UNC13B: variants seen among roughly 807,000 people sequenced by gnomAD.
UNC13B encodes the protein unc-13 homolog B, also known as protein unc-13 homolog B.
A neutral mutation model predicts 211.0 loss-of-function variants in UNC13B; 144 were observed. The observed-to-expected ratio is 0.68, with a 90% confidence interval of 0.60 to 0.78. UNC13B has a LOEUF of 0.78. Among genes scored for constraint, UNC13B ranks in the 30% least tolerant of loss-of-function variants. UNC13B has a pLI of 0.00. For missense variants in UNC13B, 1,777 were observed against 2,002.0 expected, an observed-to-expected ratio of 0.89 and a Z score of 2.14; for synonymous variants, 709 against 725.8, an observed-to-expected ratio of 0.98 and a Z score of 0.37.
chr9:35,237,967 A>G, intron 5 of UNC13B, 141 bp downstream of exon 5: 1 of 879,606 alleles, frequency 1.1e-6, no homozygotes. Context: ...CTTTCTCATA[A>G]CACTTCACCC....
Position 35,398,947 on chromosome 9 carries a change from C to G in UNC13B, c.11987C>G (p.Thr3996Arg), listed in dbSNP as rs781349383. 7 of 1,614,194 alleles carry G rather than the reference C, an allele frequency of 4.3e-6. No individual in the cohort carries two copies. Among genetic ancestry groups the G allele is most frequent in the Non-Finnish European group, 5.9e-6 (7 of 1,180,038 alleles). The change falls in exon 33 of 40, where the codon ACA (threonine) becomes AGA (arginine). Residue 3996 changes from threonine to arginine, a missense_variant. Physicochemically the swap from Thr to Arg is moderately conservative, Grantham distance 71. Coordinates refer to ENST00000635942, the MANE Select transcript of UNC13B (RefSeq NM_001371189.2). ...GACATCCTGGGCCAGGTTCGGGGCACAGGGAATGCATCTCCAGACGCCAGG... is the reference window on the plus strand; with the variant it reads ...GACATCCTGGGCCAGGTTCGGGGCAGAGGGAATGCATCTCCAGACGCCAGG... ...MADILGQVRGTGNASPDARAS... is the reference protein window; with the variant it reads ...MADILGQVRGRGNASPDARAS...
chr9:35,201,177 G>T (rs1232401286), intron 1 of UNC13B, among the ~76,000 whole-genome samples: 5 of 152,162 alleles, frequency 3.3e-5, no homozygotes, highest in Admixed American at 1.3e-4. Context: ...TGCATCCCAG[G>T]GATGAAGCCC....
At chr9:35,289,142 G>A (rs141511710) in intron 7 of UNC13B, among the ~76,000 whole-genome samples, 1 of 152,294 alleles carries the variant, frequency 6.6e-6, no homozygotes, top group East Asian at 1.9e-4. Context: ...TAAAGTAAGT[G>A]CCTAGGAAGA....
At chr9:35,229,371 T>G (rs1193601465) in intron 2 of UNC13B, among the ~76,000 whole-genome samples, 1 of 152,220 alleles carries the variant, frequency 6.6e-6, no homozygotes, top group African/African-American at 2.4e-5. Flanking sequence ...GCTGGCTCTT[T>G]TTTTCTGAGA....
chr9:35,204,172 T>G (rs1823503291), intron 1 of UNC13B, among the ~76,000 whole-genome samples: 1 of 152,360 alleles, frequency 6.6e-6, no homozygotes, highest in East Asian at 1.9e-4. Context: ...ACACTTGGTG[T>G]TAAGCCTGTG....
chr9:35,322,308 G>T (rs1405885061), intron 11 of UNC13B, among the ~76,000 whole-genome samples: 1 of 152,144 alleles, frequency 6.6e-6, no homozygotes, highest in Non-Finnish European at 1.5e-5. Flanking sequence ...GGGGGAGGAG[G>T]TGAGACTTTA....
intron 37 of UNC13B, among the ~76,000 whole-genome samples, chr9:35,402,816 C>T (rs1836411735): frequency 1.3e-5 from 2 of 152,104 alleles, no homozygotes; most frequent in Admixed American, 1.3e-4. Flanking sequence ...GAGACACTAC[C>T]AGGTCAACAT....
chr9:35,326,734 A>G (rs1350122402), intron 11 of UNC13B, among the ~76,000 whole-genome samples: 1 of 152,200 alleles, frequency 6.6e-6, no homozygotes, highest in Non-Finnish European at 1.5e-5. Context: ...TAACAACATA[A>G]TAAAATAAAA....
At chr9:35,203,916 G>A (rs1434552224) in intron 1 of UNC13B, among the ~76,000 whole-genome samples, 2 of 152,242 alleles carry the variant, frequency 1.3e-5, no homozygotes, top group African/African-American at 2.4e-5. Context: ...AAGACAACGA[G>A]GAAAAGACCT....
chr9:35,404,209 T>G lies in UNC13B; in HGVS notation c.*176T>G. ...ATATGGCTTTTCACAGAAAGGGTCATGAAGCCCTGGCCCAACAGGACTGTG... is the reference window on the plus strand; with the variant it reads ...ATATGGCTTTTCACAGAAAGGGTCAGGAAGCCCTGGCCCAACAGGACTGTG... On this transcript the variant is annotated 3_prime_UTR_variant, in exon 40 of 40. Transcript: ENST00000635942. 1 of 825,114 alleles carries G rather than the reference T, an allele frequency of 1.2e-6. No homozygotes were observed. The highest frequency in any genetic ancestry group is 1.8e-6 in the Non-Finnish European group (1 of 543,408). The allele number at this position is 825,114 out of a possible 1,614,324, so 51.1% of individuals were successfully genotyped here.
intron 1 of UNC13B, among the ~76,000 whole-genome samples, chr9:35,173,298 G>A (rs1399769664): frequency 6.6e-6 from 1 of 152,028 alleles, no homozygotes; most frequent in Non-Finnish European, 1.5e-5. Context: ...AGGAAAGGGG[G>A]GTAAATGATA....
chr9:35,313,350 C>T (rs147417060), intron 10 of UNC13B, among the ~76,000 whole-genome samples: 71 of 152,148 alleles, frequency 4.7e-4, no homozygotes, highest in African/African-American at 1.6e-3. Flanking sequence ...ACAGATGAGG[C>T]GCAGTGGCTC....
rs564346948 is a variant in UNC13B at position 35,197,242 on chromosome 9, C to T, written c.23-30773C>T. ...CTTTTTTTTGAGACAGAGTCTCGCT[C>T]TCTCACCGAGGCTGGGGGGCAGTGG... On this transcript the variant is annotated intron_variant, in intron 1 of 39. Transcript: ENST00000635942. Among the ~76,000 whole-genome samples the T allele has an allele frequency of 6.6e-5, 10 of 152,174 alleles. No individual in the cohort carries two copies. The South Asian group carries it at 1.9e-3, about 28-fold the overall frequency.
chr9:35,341,073 G>T (rs955033239), intron 11 of UNC13B, among the ~76,000 whole-genome samples: 3 of 152,176 alleles, frequency 2.0e-5, no homozygotes, highest in South Asian at 2.1e-4. Flanking sequence ...GCAAAGAAGG[G>T]TTATGAAATT....
intron 1 of UNC13B, among the ~76,000 whole-genome samples, chr9:35,198,613 C>CAGAG (rs1444258388): frequency 6.6e-6 from 1 of 151,998 alleles, no homozygotes; most frequent in African/African-American, 2.4e-5. Context: ...GGGTAATGGG[C>CAGAG]AGAGGTTGGA....
rs1330074702 is a variant in UNC13B, at chr9:35,403,724, ATAACTTC to A, written c.12738-21_12738-15del. 1.2e-5 allele frequency: 19 copies of A among 1,612,822 alleles called. No individual in the cohort carries two copies. The highest frequency in any genetic ancestry group is 1.5e-5 in the Non-Finnish European group (18 of 1,179,010). ...CAGCTGAAGACTCAACTCTGGCCTC[ATAACTTC>A]TATCTTGTGCTCACAGCCTCCTGGG... On this transcript the variant is annotated splice_polypyrimidine_tract_variant and intron_variant, in intron 39 of 39. Coordinates refer to ENST00000635942, the MANE Select transcript of UNC13B (RefSeq NM_001371189.2).
chr9:35,306,567 AT>A lies in UNC13B; in HGVS notation c.7166del (p.Leu2389Ter). The A allele has an allele frequency of 2.5e-6, 1 of 398,966 alleles. No individual in the cohort carries two copies. Among genetic ancestry groups the A allele is most frequent in the Non-Finnish European group, 4.4e-6 (1 of 226,064 alleles). 24.7% of individuals were successfully genotyped at this position (398,966 alleles called of 1,614,324 possible). On this transcript the variant is annotated frameshift_variant, in exon 9 of 40. Coordinates refer to ENST00000635942, the MANE Select transcript of UNC13B (RefSeq NM_001371189.2). LOFTEE classifies it high-confidence loss of function. ...AAACAGTTAATTGAAAAATTCAATG[AT>A]TTAGACACTTGTACTAACTGCCACC... The part of the protein sequence containing the change: ...HAKQLIEKFN[D>X]LDTCTNCHQN...
At chr9:35,372,254 A>G (rs1286427314) in intron 13 of UNC13B, among the ~76,000 whole-genome samples, 2 of 152,252 alleles carry the variant, frequency 1.3e-5, no homozygotes, top group Non-Finnish European at 2.9e-5. Flanking sequence ...CCTGGGCGAC[A>G]GTGCAAGACT....
At chr9:35,313,830 C>G in intron 10 of UNC13B, 69 bp from the exon 11 acceptor site, 1 of 1,260,328 alleles carries the variant, frequency 7.9e-7, no homozygotes, top group South Asian at 1.2e-5. Flanking sequence ...ATTTGGCAGT[C>G]TTGCCTTGAG....
Sources: gnomAD v4.1 joint callset for allele counts (sites outside exome capture counted in the v4.1 genomes callset) on GRCh38, gnomAD v4.1.1 for gene constraint, MANE v1.5 for transcripts, NCBI Gene and HGNC (gene_info 2026-07-23, HGNC 2026-07-21) for gene names.